The following MOCS2 variants were observed in gnomAD, a reference collection of about 807,000 sequenced individuals.
MOCS2 encodes the protein molybdenum cofactor synthesis 2.
In MOCS2, 13 loss-of-function variants were observed where a neutral mutation model predicts 21.9. The ratio of observed to expected loss-of-function variants is 0.59; its 90% CI spans 0.39 to 0.94. The LOEUF is 0.94. MOCS2 is among the 40% of genes least tolerant of loss of function. The pLI is 0.00. For missense variants in MOCS2, 227 were observed against 218.3 expected (o/e 1.04, Z -0.25); for synonymous variants, 92 against 80.8 (o/e 1.14, Z -0.74).
chr5:53,108,460 C>T, intron 2 of MOCS2, 62 bp downstream of exon 2: 1 of 1,445,048 alleles, frequency 6.9e-7, no homozygotes, highest in Admixed American at 2.2e-5. Context: ...TTACTTTTAT[C>T]ATTTATGTAT....
At chr5:53,107,462 T>C in intron 2 of MOCS2, 1 of 480,838 alleles carries the variant, frequency 2.1e-6, no homozygotes, top group Non-Finnish European at 3.7e-6. Context: ...CTTGGGGAAT[T>C]AAACAACAAA....
chr5:53,104,537 T>C (rs1193383684), intron 3 of MOCS2, among the ~76,000 whole-genome samples: 3 of 152,172 alleles, frequency 2.0e-5, no homozygotes, highest in African/African-American at 7.2e-5. Context: ...CCTGAAATCA[T>C]GGTGGTGATA....
chr5:53,100,340 G>A (rs1740872385), intron 6 of MOCS2, 71 bp downstream of exon 6: 1 of 1,541,530 alleles, frequency 6.5e-7, no homozygotes, highest in Admixed American at 1.7e-5. Flanking sequence ...CATAAATATG[G>A]GGGGATTTAT....
At position 53,097,388 on chromosome 5, in the gene MOCS2, C is replaced by G. The variant is rs1212507375; in HGVS notation, c.*1214G>C. On this transcript the variant is annotated 3_prime_UTR_variant, in exon 7 of 7. Coordinates refer to ENST00000396954, the MANE Select transcript of MOCS2 (RefSeq NM_004531.5). ...TAAATATTTGTTGAATAAATGGGTT[C>G]CTTAGGTAAAAGATGTTTTCACTAC... 3.9e-5 allele frequency: 6 copies of G among 152,164 alleles called. No individual in the cohort carries two copies. The highest frequency in any genetic ancestry group is 1.4e-4 in the African/African-American group (6 of 41,436). 9.4% of individuals were successfully genotyped at this position (152,164 alleles called of 1,614,324 possible).
At position 53,098,577 on chromosome 5, in the gene MOCS2, T is replaced by C. The variant is rs2233222; in HGVS notation, c.*25A>G. ...TAATAATAGTTTAACAAAGTTAAGA[T>C]TGCATGCTCTAAAAACATAAGTGAT... On this transcript the variant is annotated 3_prime_UTR_variant, in exon 7 of 7. Transcript: ENST00000396954. 5.9e-4 allele frequency: 940 copies of C among 1,597,286 alleles called. 6 individuals carry two copies. The African/African-American group carries it at 0.01, about 17-fold the overall frequency.
rs757067036 is a variant in MOCS2 at position 53,107,148 on chromosome 5, C to T, written c.27G>A (p.Ser9=). 24 of 1,613,932 alleles carry T rather than the reference C, an allele frequency of 1.5e-5. No individual in the cohort carries two copies. Among genetic ancestry groups the T allele is most frequent in the East Asian group, 1.1e-4 (5 of 44,882 alleles). The change falls in exon 3 of 7, where the codon TCG becomes TCA. Residue 9 remains serine (S), a synonymous_variant. Transcript: ENST00000396954. MSSLEISS[S]CFSLETKLPL... ...GCAATTTCGTCTCCAGGCTGAAGCA[C>T]GAGGAGCTGATCTCCAAGCTCGACA...
Position 53,109,668 on chromosome 5 carries a change from G to A in MOCS2, c.-587C>T. On this transcript the variant is annotated 5_prime_UTR_variant, in exon 1 of 7. Coordinates refer to ENST00000396954, the MANE Select transcript of MOCS2 (RefSeq NM_004531.5). ...GAAAGGGCGGGAGAGACACGTCGAG[G>A]AGGGCTCCGCACCCAGGCCCGCACG... 1.9e-6 allele frequency: 3 copies of A among 1,550,678 alleles called. No homozygotes were observed. Among genetic ancestry groups the A allele is most frequent in the East Asian group, 2.4e-5 (1 of 40,866 alleles).
At position 53,100,583 on chromosome 5, in the gene MOCS2, C is replaced by T. The variant is rs2233219; in HGVS notation, c.378-49G>A. 1,406 of 1,602,234 alleles carry T rather than the reference C, an allele frequency of 8.8e-4. 22 individuals carry two copies. In the East Asian group the frequency reaches 0.03, roughly 34 times the overall value. On this transcript the variant is annotated intron_variant, in intron 5 of 6. Transcript: ENST00000396954. The stretch of plus-strand genomic sequence containing the variant: ...AAAATCACCATCATCTCTGAATCTA[C>T]GTGTTAAAGAATCTGCTAGACAGAT...
At chr5:53,103,832 G>C (rs765008064) in intron 3 of MOCS2, among the ~76,000 whole-genome samples, 15 of 152,328 alleles carry the variant, frequency 9.8e-5, no homozygotes, top group Middle Eastern at 3.4e-3. Flanking sequence ...TGAAAGATAA[G>C]GAGGAAGTCT....
rs770698862 is a variant in MOCS2, at chr5:53,100,411, C to T, written c.501G>A (p.Lys167=). ...TLKAKVPIWK[K]EIYEESSTWK... ...AAAATGTGTTATTTTCTTAACTTACCTTTTTCCATATGGGCACCTTGGCTT... is the reference window on the plus strand; with the variant it reads ...AAAATGTGTTATTTTCTTAACTTACTTTTTTCCATATGGGCACCTTGGCTT... Residue 167 remains lysine (K), a splice_region_variant and synonymous_variant, in exon 6 of 7, where the codon AAG becomes AAA. Coordinates refer to ENST00000396954, the MANE Select transcript of MOCS2 (RefSeq NM_004531.5). The T allele has an allele frequency of 8.1e-6, 13 of 1,613,464 alleles. No homozygotes were observed. In the South Asian group the frequency reaches 1.3e-4, roughly 16 times the overall value.
intron 3 of MOCS2, among the ~76,000 whole-genome samples, chr5:53,102,905 T>C (rs577745394): frequency 1.3e-5 from 2 of 148,960 alleles, no homozygotes; most frequent in East Asian, 3.9e-4. Flanking sequence ...CTGAAACTGA[T>C]CATGCCACTG....
Position 53,109,369 on chromosome 5 carries a change from C to T in MOCS2, c.-288G>A. On this transcript the variant is annotated 5_prime_UTR_variant, in exon 1 of 7. Transcript: ENST00000396954. ...CAAGAATTCTCCATGAGGTGCATTT[C>T]TTTTTAGATTAAAATTTTAGCTTCA... is the stretch of plus-strand genomic sequence containing the variant. 1 of 1,158,202 alleles carries T rather than the reference C, an allele frequency of 8.6e-7. No homozygotes were observed. Among genetic ancestry groups the T allele is most frequent in the Middle Eastern group, 3.6e-4 (1 of 2,796 alleles). The allele number at this position is 1,158,202 out of a possible 1,614,324, so 71.7% of individuals were successfully genotyped here. A position where few individuals can be genotyped will look rare whatever the true frequency, so the allele number is the denominator to read the frequency against.
chr5:53,101,756 C>T (rs12515434), intron 4 of MOCS2, among the ~76,000 whole-genome samples: 14,439 of 152,076 alleles, frequency 0.095, 745 homozygotes, highest in Admixed American at 0.11. Flanking sequence ...CCTGGCAAAC[C>T]GGGCAATATT....
intron 4 of MOCS2, 131 bp downstream of exon 4, chr5:53,101,966 A>G: frequency 1.1e-6 from 1 of 918,492 alleles, no homozygotes; most frequent in East Asian, 2.6e-5. Context: ...AAAAAAGTCT[A>G]CCCACCATCA....
At chr5:53,102,956 AAAAAAAAAG>A (rs1280976374) in intron 3 of MOCS2, among the ~76,000 whole-genome samples, 2 of 151,772 alleles carry the variant, frequency 1.3e-5, no homozygotes, top group Non-Finnish European at 2.9e-5. Flanking sequence ...CATCTCAAAA[AAAAAAAAAG>A]AAAAAAAAGG....
intron 5 of MOCS2, 138 bp from the exon 6 acceptor site, chr5:53,100,672 G>T: frequency 1.1e-6 from 1 of 884,640 alleles, no homozygotes; most frequent in Non-Finnish European, 1.8e-6. Context: ...TAAACATACA[G>T]TTAGAAAAGA....
At position 53,102,219 on chromosome 5, in the gene MOCS2, T is replaced by C. The variant is rs73094933; in HGVS notation, c.104A>G (p.Asp35Gly). The change falls in exon 4 of 7, where the codon GAT (aspartate) becomes GGT (glycine). Residue 35 changes from aspartate (D) to glycine (G), a missense_variant. By Grantham distance (94) the Asp-to-Gly change is moderately conservative (BLOSUM62 -1). Transcript: ENST00000396954. The stretch of plus-strand genomic sequence containing the variant: ...AGATTTCTCTTCAACTTCATCCATA[T>C]CTTTCCTAGAAATAATACATTAACA... Reference protein sequence around the residue: ...EDSAFEPSRKDMDEVEEKSKD... With the variant: ...EDSAFEPSRKGMDEVEEKSKD... 1,055 of 1,611,912 alleles carry C rather than the reference T, an allele frequency of 6.5e-4. 8 individuals carry two copies. In the African/African-American group the frequency reaches 0.013, roughly 20 times the overall value.
rs1160915071 is a variant in MOCS2 at position 53,109,635 on chromosome 5, T to A, written c.-554A>T. 1 of 1,543,098 alleles carries A rather than the reference T, an allele frequency of 6.5e-7. No homozygotes were observed. Among genetic ancestry groups the A allele is most frequent in the African/African-American group, 1.4e-5 (1 of 72,382 alleles). On this transcript the variant is annotated 5_prime_UTR_variant, in exon 1 of 7. Coordinates refer to ENST00000396954, the MANE Select transcript of MOCS2 (RefSeq NM_004531.5). ...AGGTCCGACTGACCAAGGCTGGGTATGTGGAGGGAAAGGGCGGGAGAGACA... is the reference window on the plus strand; with the variant it reads ...AGGTCCGACTGACCAAGGCTGGGTAAGTGGAGGGAAAGGGCGGGAGAGACA...
rs1207117988 is a variant in MOCS2, at chr5:53,097,298, C to G, written c.*1304G>C. 4 of 152,148 alleles carry G rather than the reference C, an allele frequency of 2.6e-5. No homozygotes were observed. The highest frequency in any genetic ancestry group is 6.5e-5 in the Admixed American group (1 of 15,274). 9.4% of individuals were successfully genotyped at this position (152,148 alleles called of 1,614,324 possible). ...CACAGATAAGATGCAGAGTGTTCCT[C>G]AAGGTATTTTAGGTTGGCAGAAAAA... On this transcript the variant is annotated 3_prime_UTR_variant, in exon 7 of 7. Coordinates refer to ENST00000396954, the MANE Select transcript of MOCS2 (RefSeq NM_004531.5).
Sources: gnomAD v4.1 joint callset for allele counts (sites outside exome capture counted in the v4.1 genomes callset) on GRCh38, gnomAD v4.1.1 for gene constraint, MANE v1.5 for transcripts, NCBI Gene and HGNC (gene_info 2026-07-23, HGNC 2026-07-21) for gene names.